The following THSD4 variants were observed in gnomAD, a reference collection of about 807,000 sequenced individuals.
THSD4 encodes the protein thrombospondin type 1 domain containing 4.
In THSD4, 69 loss-of-function variants were observed where a neutral mutation model predicts 119.0. The ratio of observed to expected loss-of-function variants is 0.58; its 90% CI spans 0.48 to 0.71. The LOEUF (loss-of-function observed/expected upper bound fraction) is 0.71, where lower values mean the gene tolerates loss of function less well. THSD4 is among the 30% of genes least tolerant of loss of function. The probability of loss-of-function intolerance (pLI) is 0.00; values close to 1 mark genes in which losing one functional copy is unlikely to be tolerated. For missense variants in THSD4, 1,393 were observed against 1,391.1 expected (o/e 1.00, Z -0.02); for synonymous variants, 524 against 540.4 (o/e 0.97, Z 0.42).
chr15:71,390,127 T>G (rs948282096), intron 6 of THSD4, among the ~76,000 whole-genome samples: 5 of 152,092 alleles, frequency 3.3e-5, no homozygotes, highest in Non-Finnish European at 7.4e-5. Context: ...AGCAACATAT[T>G]CTGGGCAATC....
chr15:71,105,103 C>CCCCTTAG (rs1213551039), intron 1 of THSD4, among the ~76,000 whole-genome samples: 1 of 152,094 alleles, frequency 6.6e-6, no homozygotes, highest in African/African-American at 2.4e-5. Context: ...TTTCTAGGGT[C>CCCCTTAG]CCCTTAGCCA....
chr15:71,504,817 T>C (rs774085404), intron 7 of THSD4, among the ~76,000 whole-genome samples: 4 of 152,178 alleles, frequency 2.6e-5, no homozygotes. Flanking sequence ...TCCATTGCCA[T>C]CCTTTTTCTA....
intron 7 of THSD4, among the ~76,000 whole-genome samples, chr15:71,597,628 A>G (rs1218805314): frequency 6.6e-6 from 1 of 152,128 alleles, no homozygotes; most frequent in African/African-American, 2.4e-5. Context: ...ACAGGAGGAG[A>G]AGACTCCTGG....
intron 7 of THSD4, among the ~76,000 whole-genome samples, chr15:71,446,644 A>C (rs931097094): frequency 5.3e-5 from 8 of 152,172 alleles, no homozygotes; most frequent in Non-Finnish European, 1.2e-4. Context: ...TAAGCACATA[A>C]AGATGGGTGT....
At chr15:71,615,407 G>T (rs2140917817) in intron 7 of THSD4, among the ~76,000 whole-genome samples, 1 of 152,236 alleles carries the variant, frequency 6.6e-6, no homozygotes, top group East Asian at 1.9e-4. Context: ...ACTTTACTGT[G>T]CTGAGGAATG....
intron 3 of THSD4, among the ~76,000 whole-genome samples, chr15:71,204,466 T>C (rs1022322792): frequency 6.6e-6 from 1 of 152,098 alleles, no homozygotes; most frequent in African/African-American, 2.4e-5. Flanking sequence ...TTGTGGTACT[T>C]GAAGCGAATC....
chr15:71,491,447 G>T (rs2047917628), intron 7 of THSD4, among the ~76,000 whole-genome samples: 1 of 152,192 alleles, frequency 6.6e-6, no homozygotes, highest in African/African-American at 2.4e-5. Flanking sequence ...ACCTAAGCTA[G>T]CACGCTCAGC....
intron 7 of THSD4, among the ~76,000 whole-genome samples, chr15:71,606,691 C>T (rs1354646362): frequency 6.6e-6 from 1 of 152,184 alleles, no homozygotes; most frequent in Non-Finnish European, 1.5e-5. Context: ...CAGGCATGTG[C>T]CACCACGCCT....
chr15:71,731,489 A>G, intron 10 of THSD4: 1 of 425,440 alleles, frequency 2.4e-6, no homozygotes, highest in Non-Finnish European at 4.4e-6. Context: ...GCTTTATACT[A>G]GTTTCCAGGC....
intron 6 of THSD4, among the ~76,000 whole-genome samples, chr15:71,379,228 G>A (rs906593881): frequency 6.6e-6 from 1 of 152,012 alleles, no homozygotes; most frequent in Non-Finnish European, 1.5e-5. Flanking sequence ...CATCTTAGCT[G>A]TTGGTTACAG....
At chr15:71,679,233 ACT>A (rs1465840070) in intron 8 of THSD4, among the ~76,000 whole-genome samples, 1 of 152,210 alleles carries the variant, frequency 6.6e-6, no homozygotes, top group Non-Finnish European at 1.5e-5. Flanking sequence ...GGAGAAATTA[ACT>A]CTAATAGGAT....
chr15:71,451,088 GAATCACTTA>G (rs1036374676), intron 7 of THSD4, among the ~76,000 whole-genome samples: 3 of 152,118 alleles, frequency 2.0e-5, no homozygotes, highest in African/African-American at 7.2e-5. Flanking sequence ...TGAAGTGGGA[GAATCACTTA>G]AACCCGGGAG....
At chr15:71,683,122 A>G (rs764144539) in intron 8 of THSD4, among the ~76,000 whole-genome samples, 22 of 151,604 alleles carry the variant, frequency 1.5e-4, no homozygotes, top group African/African-American at 5.3e-4. Flanking sequence ...GGGTTTCACC[A>G]TATTGGCCAG....
At chr15:71,300,607 A>G (rs2044935371) in intron 6 of THSD4, among the ~76,000 whole-genome samples, 1 of 152,214 alleles carries the variant, frequency 6.6e-6, no homozygotes, top group South Asian at 2.1e-4. Context: ...TTAAACTCTT[A>G]TCAATCCCCC....
At chr15:71,242,593 T>C (rs2044162296) in intron 4 of THSD4, 56 bp from the exon 5 acceptor site, 2 of 1,563,290 alleles carry the variant, frequency 1.3e-6, no homozygotes, top group Non-Finnish European at 8.7e-7. Flanking sequence ...AGCTTCTGAG[T>C]TAACATGAAA....
rs1218247475 is a variant in THSD4, at chr15:71,215,110, TG to T, written c.179del (p.Gly60AlafsTer14). On this transcript the variant is annotated frameshift_variant, in exon 4 of 18. Transcript: ENST00000261862. LOFTEE classifies it high-confidence loss of function. ...CGGCGCCCCGGGAGTGTGGGGCGCC[TG>T]GGGCCCCTGGTCGGCCTGCTCGCGT... ...GGGAPGVWGAWGPWSACSRSC... is the reference protein window; with the variant it reads ...GGGAPGVWGAXGPWSACSRSC... 7.5e-7 allele frequency: 1 copy of T among 1,341,634 alleles called. No homozygotes were observed. The highest frequency in any genetic ancestry group is 9.6e-7 in the Non-Finnish European group (1 of 1,043,430). The allele number at this position is 1,341,634 out of a possible 1,614,324, so 83.1% of individuals were successfully genotyped here. A position where few individuals can be genotyped will look rare whatever the true frequency, so the allele number is the denominator to read the frequency against.
At chr15:71,310,425 A>G (rs2045095742) in intron 6 of THSD4, among the ~76,000 whole-genome samples, 1 of 152,230 alleles carries the variant, frequency 6.6e-6, no homozygotes, top group African/African-American at 2.4e-5. Context: ...ACGAAGACCT[A>G]AAGATACAGG....
chr15:71,416,277 T>C (rs1338622399), intron 7 of THSD4, among the ~76,000 whole-genome samples: 1 of 39,404 alleles, frequency 2.5e-5, no homozygotes, highest in African/African-American at 7.4e-5. Context: ...TTGATGCAAA[T>C]CTTGGCTTTT....
At chr15:71,618,316 A>T (rs1459443810) in intron 7 of THSD4, among the ~76,000 whole-genome samples, 1 of 152,326 alleles carries the variant, frequency 6.6e-6, no homozygotes, top group Non-Finnish European at 1.5e-5. Flanking sequence ...TTCCAGGTAT[A>T]CACTTTAGGG....
Sources: gnomAD v4.1 joint callset for allele counts (sites outside exome capture counted in the v4.1 genomes callset) on GRCh38, gnomAD v4.1.1 for gene constraint, MANE v1.5 for transcripts, NCBI Gene and HGNC (gene_info 2026-07-23, HGNC 2026-07-21) for gene names.